PTDSS2: variants seen among roughly 807,000 people sequenced by gnomAD.
PTDSS2 encodes phosphatidylserine synthase 2.
In PTDSS2, 41 loss-of-function variants were observed where a neutral mutation model predicts 64.7. The observed-to-expected ratio is 0.63, with a 90% CI of 0.49 to 0.82. The LOEUF (loss-of-function observed/expected upper bound fraction) is 0.82. Among genes scored for constraint, PTDSS2 ranks in the 40% least tolerant of loss-of-function variants. The probability of loss-of-function intolerance (pLI) is 0.00; values close to 1 mark genes in which losing one functional copy is unlikely to be tolerated. For missense variants in PTDSS2, 485 were observed against 650.0 expected, an observed-to-expected ratio of 0.75 and a Z score of 2.76; for synonymous variants, 297 against 277.8, an observed-to-expected ratio of 1.07 and a Z score of -0.69.
Position 460,145 on chromosome 11 carries a change from G to C in PTDSS2, c.183-42G>C. 6.5e-7 allele frequency: 1 copy of C among 1,530,854 alleles called. No individual in the cohort carries two copies. Among genetic ancestry groups the C allele is most frequent in the Non-Finnish European group, 9.0e-7 (1 of 1,105,056 alleles). The allele number at this position is 1,530,854 out of a possible 1,614,324, so 94.8% of individuals were successfully genotyped here. A position where few individuals can be genotyped will look rare whatever the true frequency, so the allele number is the denominator to read the frequency against. On this transcript the variant is annotated intron_variant, in intron 1 of 11. Coordinates refer to ENST00000308020, the MANE Select transcript of PTDSS2 (RefSeq NM_030783.3). The surrounding 1 kb of genome is among the most constrained non-coding windows in gnomAD (Gnocchi z 5.8). ...TGTTACGTGAGTATTTAGCAATGCT[G>C]CCCAAGCTCTGACACCATGCTTATG...
At chr11:474,707 C>A (rs1279952337) in intron 3 of PTDSS2, among the ~76,000 whole-genome samples, 1 of 152,050 alleles carries the variant, frequency 6.6e-6, no homozygotes. Flanking sequence ...AGTGGCCACA[C>A]GAAGTAATTA....
At chr11:488,099 C>A in intron 6 of PTDSS2, 100 bp from the exon 7 acceptor site, 1 of 854,266 alleles carries the variant, frequency 1.2e-6, no homozygotes, top group South Asian at 1.5e-5. Flanking sequence ...GGCCGGCGTC[C>A]CATACTCTGG....
chr11:489,047 G>T (rs1321531605), intron 8 of PTDSS2, among the ~76,000 whole-genome samples: 1 of 152,256 alleles, frequency 6.6e-6, no homozygotes, highest in Non-Finnish European at 1.5e-5. Flanking sequence ...CCTGCCTGTG[G>T]GTGCCCCGGC....
At chr11:488,886 C>G (rs1333625234) in intron 8 of PTDSS2, among the ~76,000 whole-genome samples, 1 of 152,226 alleles carries the variant, frequency 6.6e-6, no homozygotes, top group Non-Finnish European at 1.5e-5. Flanking sequence ...CCTGGCCGGC[C>G]TGGCGCAGGG....
chr11:458,121 T>C (rs1846681285), intron 1 of PTDSS2, among the ~76,000 whole-genome samples: 1 of 152,246 alleles, frequency 6.6e-6, no homozygotes, highest in Non-Finnish European at 1.5e-5. Context: ...TTGTGAAGTG[T>C]CTGTTCAATT....
upstream of PTDSS2, among the ~76,000 whole-genome samples, chr11:449,848 T>C (rs1260946081): frequency 6.6e-6 from 1 of 152,076 alleles, no homozygotes. Flanking sequence ...TCGGGAAGCT[T>C]GAGACAGAAG....
chr11:487,313 T>C (rs1418722449), intron 5 of PTDSS2, 107 bp from the exon 6 acceptor site: 3 of 1,147,302 alleles, frequency 2.6e-6, no homozygotes, highest in East Asian at 4.7e-5. Context: ...TCCCTGGCCT[T>C]CTTCCCGGGG....
chr11:471,315 G>A (rs895092879), intron 2 of PTDSS2, among the ~76,000 whole-genome samples: 10 of 152,044 alleles, frequency 6.6e-5, no homozygotes, highest in East Asian at 5.8e-4. Context: ...GGCTGGTCTC[G>A]AACTCCTGAC....
intron 2 of PTDSS2, among the ~76,000 whole-genome samples, chr11:464,120 C>T (rs1847033001): frequency 6.6e-6 from 1 of 151,890 alleles, no homozygotes; most frequent in Non-Finnish European, 1.5e-5. Context: ...GTAGCTGGGA[C>T]TATAGCCGTG....
chr11:488,573 C>T lies in PTDSS2; in HGVS notation c.780C>T (p.Cys260=), dbSNP rs768404539. The T allele has an allele frequency of 2.4e-5, 39 of 1,613,416 alleles. No homozygotes were observed. The highest frequency in any genetic ancestry group is 8.0e-5 in the African/African-American group (6 of 74,910). ...VLVCNGLGIY[C]GMKTLEWLSL... ...TCTGCAACGGGCTGGGCATCTACTGCGGCATGAAGACCCTTGAGTGGCTGT... is the reference window on the plus strand; with the variant it reads ...TCTGCAACGGGCTGGGCATCTACTGTGGCATGAAGACCCTTGAGTGGCTGT... Residue 260 remains cysteine (C), a synonymous_variant, in exon 8 of 12, where the codon TGC becomes TGT. Coordinates refer to ENST00000308020, the MANE Select transcript of PTDSS2 (RefSeq NM_030783.3).
upstream of PTDSS2, chr11:448,511 A>G (rs1846188082): frequency 6.6e-6 from 1 of 152,302 alleles, no homozygotes; most frequent in African/African-American, 2.4e-5. Context: ...ATTGCTGGAA[A>G]GATGGCATGG....
chr11:454,312 G>A (rs1043371185), intron 1 of PTDSS2, among the ~76,000 whole-genome samples: 2 of 152,158 alleles, frequency 1.3e-5, no homozygotes, highest in African/African-American at 2.4e-5. Context: ...TGGGCACTCG[G>A]TGGCCACCTC....
At chr11:450,752 G>A in intron 1 of PTDSS2, 115 bp downstream of exon 1, 1 of 960,008 alleles carries the variant, frequency 1.0e-6, no homozygotes, top group Non-Finnish European at 1.4e-6. Flanking sequence ...GTCCAGGACT[G>A]TGGCCGGGGG....
At chr11:466,896 A>T (rs1270701197) in intron 2 of PTDSS2, among the ~76,000 whole-genome samples, 1 of 152,140 alleles carries the variant, frequency 6.6e-6, no homozygotes, top group Non-Finnish European at 1.5e-5. Flanking sequence ...CTCTACAAAA[A>T]ATACAAAAAT....
chr11:485,226 CGA>C (rs1364103086), intron 4 of PTDSS2, among the ~76,000 whole-genome samples: 2 of 126,688 alleles, frequency 1.6e-5, no homozygotes, highest in African/African-American at 6.3e-5. Flanking sequence ...TGTGCGCAGG[CGA>C]GTGTAAACTG....
In PTDSS2 at chr11:476,540, C is replaced by T. The variant is rs1261854594; in HGVS notation, c.368-2545C>T. 2.6e-5 allele frequency among the ~76,000 whole-genome samples: 4 copies of T among 152,102 alleles called. No individual in the cohort carries two copies. Among genetic ancestry groups the T allele is most frequent in the Non-Finnish European group, 4.4e-5 (3 of 68,026 alleles). On this transcript the variant is annotated intron_variant, in intron 3 of 11. Coordinates refer to ENST00000308020, the MANE Select transcript of PTDSS2 (RefSeq NM_030783.3). This position sits in a 1 kb window ranked among gnomAD's most constrained non-coding sequence, Gnocchi z 4.9. Reference sequence around the variant, plus strand: ...GTGGCGGCATCACTGGGGACTGGGACGCAGCCGTGAGTGGGACAGACTGGT... The same window carrying T: ...GTGGCGGCATCACTGGGGACTGGGATGCAGCCGTGAGTGGGACAGACTGGT...
Position 460,454 on chromosome 11 carries a change from C to G in PTDSS2, c.284+166C>G, listed in dbSNP as rs1015594418. 1.7e-6 allele frequency: 1 copy of G among 605,732 alleles called. No homozygotes were observed. The highest frequency in any genetic ancestry group is 2.8e-5 in the Admixed American group (1 of 35,866). 37.5% of individuals were successfully genotyped at this position (605,732 alleles called of 1,614,324 possible). On this transcript the variant is annotated intron_variant, in intron 2 of 11. Transcript: ENST00000308020. This position sits in a 1 kb window ranked among gnomAD's most constrained non-coding sequence, Gnocchi z 5.8. ...TGTGTCTGATGTGCAGACTCCAGGG[C>G]TGCCCTTGGTGCTGCGTGGCGTTCC... is the stretch of plus-strand genomic sequence containing the variant.
intron 3 of PTDSS2, among the ~76,000 whole-genome samples, chr11:475,100 T>C (rs72479383): frequency 0.2 from 29,044 of 145,176 alleles, 1,859 homozygotes; most frequent in Middle Eastern, 0.28. Flanking sequence ...GTGTGGGACA[T>C]ATTCACGCGT....
At position 488,571 on chromosome 11, in the gene PTDSS2, T is replaced by A. The variant is rs1354719603; in HGVS notation, c.778T>A (p.Cys260Ser). ...VLVCNGLGIY[C>S]GMKTLEWLSL... ...CGTCTGCAACGGGCTGGGCATCTAC[T>A]GCGGCATGAAGACCCTTGAGTGGCT... Residue 260 changes from cysteine to serine, a missense_variant, in exon 8 of 12, where the codon TGC (cysteine) becomes AGC (serine). This residue lies in a region of PTDSS2 where 251 missense variants were observed against 348.0 expected (regional missense o/e 0.72). Transcript: ENST00000308020. 1 of 1,613,550 alleles carries A rather than the reference T, an allele frequency of 6.2e-7. No individual in the cohort carries two copies.
Sources: gnomAD v4.1 joint callset for allele counts (sites outside exome capture counted in the v4.1 genomes callset) on GRCh38, gnomAD v4.1.1 for gene constraint, gnomAD v4.1.1 regional missense constraint, Gnocchi (gnomAD v3.1) non-coding constraint, MANE v1.5 for transcripts, NCBI Gene and HGNC (gene_info 2026-07-23, HGNC 2026-07-21) for gene names.